The following NELL1 variants were observed in gnomAD, a reference collection of about 807,000 sequenced individuals.
NELL1 encodes protein kinase C-binding protein NELL1.
NELL1 carries 76 observed loss-of-function variants against 107.4 expected under a neutral mutation model. The ratio of observed to expected loss-of-function variants is 0.71; its 90% CI spans 0.59 to 0.86. The LOEUF (loss-of-function observed/expected upper bound fraction) is 0.86, where lower values mean the gene tolerates loss of function less well. Among genes scored for constraint, NELL1 ranks in the 40% least tolerant of loss-of-function variants. The probability of loss-of-function intolerance (pLI) is 0.00; values close to 1 mark genes in which losing one functional copy is unlikely to be tolerated. For missense variants in NELL1, 1,024 were observed against 1,005.5 expected (o/e 1.02, Z -0.25); for synonymous variants, 353 against 341.2 (o/e 1.03, Z -0.38).
chr11:21,193,334 C>G (rs1488894403), intron 13 of NELL1, among the ~76,000 whole-genome samples: 2 of 151,638 alleles, frequency 1.3e-5, no homozygotes, highest in African/African-American at 4.9e-5. Context: ...CACGCAAGAA[C>G]CTCCTGAGAT....
intron 13 of NELL1, among the ~76,000 whole-genome samples, chr11:21,195,834 G>A (rs1857140351): frequency 6.6e-6 from 1 of 152,094 alleles, no homozygotes; most frequent in Admixed American, 6.5e-5. Flanking sequence ...CTAGGTCCTG[G>A]GGCCGAGCAC....
chr11:20,937,077 G>A (rs1850741870), intron 9 of NELL1, among the ~76,000 whole-genome samples: 2 of 152,188 alleles, frequency 1.3e-5, no homozygotes, highest in African/African-American at 4.8e-5. Context: ...ATTGACATAT[G>A]CTGTACTTGC....
intron 15 of NELL1, among the ~76,000 whole-genome samples, chr11:21,457,091 C>T (rs1488368139): frequency 6.6e-6 from 1 of 151,988 alleles, no homozygotes; most frequent in Non-Finnish European, 1.5e-5. Context: ...TCTTCTAGAA[C>T]TGAGTAGGAA....
At chr11:21,433,618 T>C (rs1249576721) in intron 15 of NELL1, among the ~76,000 whole-genome samples, 2 of 152,138 alleles carry the variant, frequency 1.3e-5, no homozygotes, top group African/African-American at 4.8e-5. Flanking sequence ...GTTTTTATTT[T>C]GGTGATGATT....
At chr11:21,033,360 T>C (rs1217527811) in intron 12 of NELL1, among the ~76,000 whole-genome samples, 1 of 152,210 alleles carries the variant, frequency 6.6e-6, no homozygotes, top group Non-Finnish European at 1.5e-5. Context: ...ACTCAATAGT[T>C]ATTTTTTCTG....
chr11:21,167,084 A>G lies in NELL1; in HGVS notation c.1426+53370A>G, dbSNP rs78237026. 8.1e-3 allele frequency among the ~76,000 whole-genome samples: 1,234 copies of G among 152,058 alleles called. 54 individuals carry two copies. The South Asian group carries it at 0.11, about 13-fold the overall frequency. Reference sequence around the variant, plus strand: ...ACTCAAGCAACTGAAAAGTCCAGACATAATATACATACATAAGGTTCATTT... The same window carrying G: ...ACTCAAGCAACTGAAAAGTCCAGACGTAATATACATACATAAGGTTCATTT... On this transcript the variant is annotated intron_variant, in intron 13 of 19. Transcript: ENST00000357134.
At chr11:21,170,219 G>C in intron 13 of NELL1, 1 of 471,446 alleles carries the variant, frequency 2.1e-6, no homozygotes, top group Non-Finnish European at 3.8e-6. Flanking sequence ...AACGTGTTGG[G>C]AAAATTTCTT....
intron 2 of NELL1, among the ~76,000 whole-genome samples, chr11:20,736,410 A>G (rs1855762997): frequency 1.3e-5 from 2 of 152,116 alleles, no homozygotes; most frequent in South Asian, 4.2e-4. Flanking sequence ...ATAGATGCCT[A>G]CGCTGCCCTC....
rs926002685 is a variant in NELL1, at chr11:21,155,684, G to A, written c.1426+41970G>A. On this transcript the variant is annotated intron_variant, in intron 13 of 19. Coordinates refer to ENST00000357134, the MANE Select transcript of NELL1 (RefSeq NM_006157.5). ...AAAATGCTGGGGAGAGGGGACAGAAGTCAGAGGGCTTTATATTAAATGGTG... is the reference window on the plus strand; with the variant it reads ...AAAATGCTGGGGAGAGGGGACAGAAATCAGAGGGCTTTATATTAAATGGTG... Among the ~76,000 whole-genome samples, 5 of 152,140 alleles carry A rather than the reference G, an allele frequency of 3.3e-5. No individual in the cohort carries two copies. The East Asian group carries it at 9.7e-4, about 29-fold the overall frequency.
intron 14 of NELL1, among the ~76,000 whole-genome samples, chr11:21,291,850 G>T (rs898781609): frequency 2.0e-5 from 3 of 152,124 alleles, no homozygotes; most frequent in African/African-American, 7.2e-5. Flanking sequence ...AATAGATGCA[G>T]AAAAGGCCTT....
chr11:21,182,657 G>T (rs1230763855), intron 13 of NELL1, among the ~76,000 whole-genome samples: 1 of 151,674 alleles, frequency 6.6e-6, no homozygotes, highest in African/African-American at 2.4e-5. Context: ...GCTACCTAGG[G>T]CTAGGGAAAC....
At chr11:21,247,573 T>A (rs1858527060) in intron 14 of NELL1, among the ~76,000 whole-genome samples, 1 of 152,104 alleles carries the variant, frequency 6.6e-6, no homozygotes, top group South Asian at 2.1e-4. Flanking sequence ...CGCATGGAGG[T>A]GTCATCTCCA....
At position 21,117,145 on chromosome 11, in the gene NELL1, G is replaced by A. The variant is rs149879750; in HGVS notation, c.1426+3431G>A. Among the ~76,000 whole-genome samples the A allele has an allele frequency of 5.6e-3, 857 of 151,978 alleles. 11 individuals carry two copies. Among genetic ancestry groups the A allele is most frequent in the African/African-American group, 0.019 (791 of 41,512 alleles). Reference sequence around the variant, plus strand: ...AAGTCTTTTTCCTCTTGATATTTGTGTATTGAGCTCTCTTCTCATTTACCT... The same window carrying A: ...AAGTCTTTTTCCTCTTGATATTTGTATATTGAGCTCTCTTCTCATTTACCT... On this transcript the variant is annotated intron_variant, in intron 13 of 19. Coordinates refer to ENST00000357134, the MANE Select transcript of NELL1 (RefSeq NM_006157.5).
chr11:20,930,379 T>C (rs1026882674), intron 9 of NELL1, among the ~76,000 whole-genome samples: 7 of 152,302 alleles, frequency 4.6e-5, no homozygotes, highest in African/African-American at 1.7e-4. Flanking sequence ...CACTTAAATA[T>C]ATTATTATGT....
chr11:20,867,218 G>T (rs1038342584), intron 4 of NELL1, among the ~76,000 whole-genome samples: 1 of 152,110 alleles, frequency 6.6e-6, no homozygotes, highest in Non-Finnish European at 1.5e-5. Context: ...TTAAGAGAAA[G>T]GCTGTGTTTA....
chr11:21,514,270 T>C (rs1855505670), intron 15 of NELL1, among the ~76,000 whole-genome samples: 1 of 152,248 alleles, frequency 6.6e-6, no homozygotes, highest in African/African-American at 2.4e-5. Flanking sequence ...ATTTGCCTTA[T>C]AATTTTTAAT....
intron 16 of NELL1, among the ~76,000 whole-genome samples, chr11:21,544,107 T>C (rs1856368271): frequency 6.6e-6 from 1 of 151,926 alleles, no homozygotes; most frequent in African/African-American, 2.4e-5. Context: ...CATGAAGCAA[T>C]ACAGGCATAT....
At chr11:21,244,419 C>A (rs1171311048) in intron 14 of NELL1, among the ~76,000 whole-genome samples, 2 of 152,100 alleles carry the variant, frequency 1.3e-5, no homozygotes, top group African/African-American at 4.8e-5. Flanking sequence ...GGATAATTTT[C>A]TGACATGCTT....
At chr11:20,937,008 C>CT (rs59620090) in intron 9 of NELL1, among the ~76,000 whole-genome samples, 2 of 152,026 alleles carry the variant, frequency 1.3e-5, no homozygotes, top group Admixed American at 1.3e-4. Flanking sequence ...ATACTTGCTT[C>CT]TTTTTTTCCT....
Sources: gnomAD v4.1 joint callset for allele counts (sites outside exome capture counted in the v4.1 genomes callset) on GRCh38, gnomAD v4.1.1 for gene constraint, MANE v1.5 for transcripts, NCBI Gene and HGNC (gene_info 2026-07-23, HGNC 2026-07-21) for gene names.